The following LHX8 variants were observed in gnomAD, a reference collection of about 807,000 sequenced individuals.
LHX8 encodes LIM homeobox 8, also known as LIM/homeobox protein Lhx8.
In LHX8, 12 loss-of-function variants were observed where a neutral mutation model predicts 40.3. The observed-to-expected ratio is 0.30, with a 90% CI of 0.19 to 0.48. The LOEUF (loss-of-function observed/expected upper bound fraction) is 0.48. LHX8 is among the 20% of genes least tolerant of loss of function. The pLI is 0.99. For missense variants in LHX8, 344 were observed against 433.7 expected, an observed-to-expected ratio of 0.79 and a Z score of 1.84; for synonymous variants, 179 against 162.0, an observed-to-expected ratio of 1.10 and a Z score of -0.80.
chr1:75,165,227 T>A (rs1649006620), downstream of LHX8, among the ~76,000 whole-genome samples: 1 of 152,320 alleles, frequency 6.6e-6, no homozygotes, highest in Non-Finnish European at 1.5e-5. Context: ...TGCGTTTCTG[T>A]ATATCATCAT....
chr1:75,139,910 A>G (rs1192035050), intron 3 of LHX8, among the ~76,000 whole-genome samples: 1 of 152,116 alleles, frequency 6.6e-6, no homozygotes, highest in Non-Finnish European at 1.5e-5. Context: ...GCCATATCTC[A>G]CAGTCATTTA....
At chr1:75,130,230 G>C (rs1394719849), upstream of LHX8, 1 of 188,008 alleles carries the variant, frequency 5.3e-6, no homozygotes, top group Non-Finnish European at 1.1e-5. Context: ...TCTTAGACTG[G>C]AAACGCTTCC....
At chr1:75,133,968 T>C (rs148262632), upstream of LHX8, among the ~76,000 whole-genome samples, 1 of 152,194 alleles carries the variant, frequency 6.6e-6, no homozygotes, top group African/African-American at 2.4e-5. Flanking sequence ...AGCGGTGGCA[T>C]TCCTCGGCTA....
intron 6 of LHX8, among the ~76,000 whole-genome samples, chr1:75,144,630 T>G (rs1473177910): frequency 1.3e-5 from 2 of 152,178 alleles, no homozygotes; most frequent in African/African-American, 2.4e-5. Flanking sequence ...ATCAAAATAA[T>G]TAAATTACTC....
At chr1:75,128,562 T>A (rs1647885220) in exon 1 of LHX8, 1 of 152,200 alleles carries the variant, frequency 6.6e-6, no homozygotes, top group South Asian at 2.1e-4. Flanking sequence ...TAGTTAAAAG[T>A]CAGGCATTCG....
chr1:75,191,369 C>A, the LHX8 span, among the ~76,000 whole-genome samples: 4 of 152,154 alleles, frequency 2.6e-5, no homozygotes, highest in Non-Finnish European at 4.4e-5. Flanking sequence ...ACCCCACCCG[C>A]AGCCCCCACT....
chr1:75,128,854 G>A (rs1246022047), intron 1 of LHX8, among the ~76,000 whole-genome samples: 2 of 152,198 alleles, frequency 1.3e-5, no homozygotes, highest in African/African-American at 2.4e-5. Context: ...CACGACAGAG[G>A]TGGCTACAGG....
the LHX8 span, among the ~76,000 whole-genome samples, chr1:75,198,625 A>G: frequency 1.3e-5 from 2 of 152,142 alleles, no homozygotes; most frequent in Non-Finnish European, 2.9e-5. Context: ...CCTCCATGCT[A>G]TATCACTGGG....
intron 8 of LHX8, among the ~76,000 whole-genome samples, chr1:75,157,295 C>T (rs914019759): frequency 1.4e-4 from 21 of 152,130 alleles, no homozygotes; most frequent in African/African-American, 4.1e-4. Flanking sequence ...AGCTAAGATG[C>T]AAATATTAAT....
intron 7 of LHX8, among the ~76,000 whole-genome samples, chr1:75,155,290 A>G (rs1236843779): frequency 2.3e-5 from 3 of 128,724 alleles, no homozygotes; most frequent in African/African-American, 9.0e-5. Flanking sequence ...CCTGGAGTGC[A>G]GTGGCATGAT....
chr1:75,157,141 G>C (rs1476612297), intron 8 of LHX8, 65 bp downstream of exon 8: 5 of 1,508,172 alleles, frequency 3.3e-6, no homozygotes, highest in Non-Finnish European at 3.7e-6. Context: ...TCTAATATTA[G>C]ATTATTGATA....
At chr1:75,140,884 TTAA>T in intron 3 of LHX8, 98 bp from the exon 4 acceptor site, 1 of 1,096,126 alleles carries the variant, frequency 9.1e-7, no homozygotes, top group Non-Finnish European at 1.4e-6. Flanking sequence ...AGAGCATGTG[TTAA>T]TATATTAAGG....
chr1:75,182,757 C>A, the LHX8 span, among the ~76,000 whole-genome samples: 7 of 152,142 alleles, frequency 4.6e-5, no homozygotes, highest in Non-Finnish European at 1.0e-4. Flanking sequence ...AATGTTATGC[C>A]TCTAGGTTTG....
At chr1:75,148,403 A>C (rs1170461110) in intron 6 of LHX8, among the ~76,000 whole-genome samples, 184 bp from the exon 7 acceptor site, 1 of 152,214 alleles carries the variant, frequency 6.6e-6, no homozygotes, top group East Asian at 1.9e-4. Flanking sequence ...CAGCATAGCA[A>C]CTTGTGTATA....
At chr1:75,178,863 A>G in the LHX8 span, among the ~76,000 whole-genome samples, 5 of 152,030 alleles carry the variant, frequency 3.3e-5, no homozygotes, top group African/African-American at 9.7e-5. Flanking sequence ...AGAGATTCTG[A>G]TACATTGTGT....
intron 7 of LHX8, 62 bp downstream of exon 7, chr1:75,148,744 T>C (rs1323907170): frequency 2.3e-5 from 26 of 1,152,504 alleles, no homozygotes; most frequent in Non-Finnish European, 3.0e-5. Context: ...GGTCTCCCTA[T>C]GTTGCCCAGA....
At chr1:75,175,569 A>G in the LHX8 span, among the ~76,000 whole-genome samples, 1 of 152,068 alleles carries the variant, frequency 6.6e-6, no homozygotes, top group Non-Finnish European at 1.5e-5. Context: ...GTGATATTGA[A>G]TATTTTTTCC....
chr1:75,167,221 C>G, the LHX8 span, among the ~76,000 whole-genome samples: 40 of 152,214 alleles, frequency 2.6e-4, no homozygotes, highest in African/African-American at 9.4e-4. Flanking sequence ...CCACATCCCA[C>G]CATGGTGACT....
chr1:75,141,128 T>G, intron 4 of LHX8, 22 bp downstream of exon 4: 1 of 1,610,326 alleles, frequency 6.2e-7, no homozygotes, highest in Non-Finnish European at 8.5e-7. Context: ...AGCTTTTTCT[T>G]AGTAGATACT....
Sources: allele counts gnomAD v4.1 joint callset (sites outside exome capture counted in the v4.1 genomes callset), GRCh38; gene constraint gnomAD v4.1.1; transcripts MANE v1.5; gene names NCBI Gene and HGNC (gene_info 2026-07-23, HGNC 2026-07-21).